The following RBPJ variants were observed in gnomAD, a reference collection of about 807,000 sequenced individuals.
The protein encoded by RBPJ is recombination signal binding protein for immunoglobulin kappa J region, also known as recombining binding protein suppressor of hairless.
In RBPJ, 9 loss-of-function variants were observed where a neutral mutation model predicts 67.8. That is an observed-to-expected ratio of 0.13 (90% CI 0.08 to 0.23). The LOEUF is 0.23. Among genes scored for constraint, RBPJ ranks in the 10% least tolerant of loss-of-function variants. RBPJ has a pLI of 1.00. For missense variants in RBPJ, 305 were observed against 595.6 expected (o/e 0.51, Z 5.08); for synonymous variants, 198 against 203.3 (o/e 0.97, Z 0.22).
chr4:26,395,607 C>T (rs899330908), intron 2 of RBPJ, among the ~76,000 whole-genome samples: 1 of 152,150 alleles, frequency 6.6e-6, no homozygotes, highest in Non-Finnish European at 1.5e-5. Flanking sequence ...CCTCCCTTCC[C>T]TCTCTTCCTT....
At chr4:26,377,968 G>A (rs751087572) in intron 1 of RBPJ, among the ~76,000 whole-genome samples, 2 of 152,160 alleles carry the variant, frequency 1.3e-5, no homozygotes, top group Non-Finnish European at 2.9e-5. Flanking sequence ...ATCACGTGTA[G>A]GGTGTGTGGG....
intron 1 of RBPJ, among the ~76,000 whole-genome samples, chr4:26,297,966 G>A (rs1211978173): frequency 6.6e-6 from 1 of 151,784 alleles, no homozygotes; most frequent in African/African-American, 2.4e-5. Context: ...TTTTTTGGAA[G>A]GGAGGTACTA....
intron 1 of RBPJ, among the ~76,000 whole-genome samples, chr4:26,200,032 G>A (rs1026818680): frequency 1.3e-5 from 2 of 152,116 alleles, no homozygotes; most frequent in South Asian, 4.1e-4. Flanking sequence ...ACGTTTCCAC[G>A]TTGAGTTCTG....
At chr4:26,227,338 G>T (rs1719109882) in intron 1 of RBPJ, among the ~76,000 whole-genome samples, 1 of 152,284 alleles carries the variant, frequency 6.6e-6, no homozygotes, top group Non-Finnish European at 1.5e-5. Context: ...GTGGCAACCC[G>T]GCTAGTTGCC....
upstream of RBPJ, among the ~76,000 whole-genome samples, chr4:26,320,284 C>A (rs3822223): frequency 0.16 from 23,741 of 152,154 alleles, 2,634 homozygotes; most frequent in East Asian, 0.34. Flanking sequence ...TTGCTAGAGG[C>A]CTTGGCTTGA....
intron 1 of RBPJ, among the ~76,000 whole-genome samples, chr4:26,255,403 C>CAAAAAAAAA (rs766336628): frequency 8.7e-5 from 3 of 34,548 alleles, no homozygotes; most frequent in African/African-American, 4.5e-4. Flanking sequence ...GACTCCGTCT[C>CAAAAAAAAA]AAAAAAAAAA....
intron 1 of RBPJ, among the ~76,000 whole-genome samples, chr4:26,277,645 T>C (rs1199921027): frequency 2.0e-5 from 3 of 152,220 alleles, no homozygotes; most frequent in Non-Finnish European, 2.9e-5. Flanking sequence ...CAGGGGCCTA[T>C]TCATTTCCTT....
intron 1 of RBPJ, among the ~76,000 whole-genome samples, chr4:26,358,994 G>A (rs1560291717): frequency 6.6e-6 from 1 of 152,102 alleles, no homozygotes; most frequent in Non-Finnish European, 1.5e-5. Flanking sequence ...CTTGCCTGAA[G>A]TCTCATAGCT....
intron 1 of RBPJ, among the ~76,000 whole-genome samples, chr4:26,353,925 G>GT (rs1380222103): frequency 1.8e-4 from 27 of 150,466 alleles, no homozygotes; most frequent in African/African-American, 3.4e-4. Context: ...GTATTCTTTT[G>GT]TTTTTTTGTT....
intron 1 of RBPJ, among the ~76,000 whole-genome samples, chr4:26,166,179 C>A (rs1327220481): frequency 6.7e-6 from 1 of 148,548 alleles, no homozygotes; most frequent in Non-Finnish European, 1.5e-5. Context: ...AGTAAACATA[C>A]GTGTGCATGT....
intron 1 of RBPJ, among the ~76,000 whole-genome samples, chr4:26,256,212 C>T (rs1720338901): frequency 6.6e-6 from 1 of 151,520 alleles, no homozygotes. Context: ...CCCATCGAAA[C>T]ACACCCTCCT....
chr4:26,399,108 C>T (rs982046862), intron 2 of RBPJ, among the ~76,000 whole-genome samples: 1 of 152,034 alleles, frequency 6.6e-6, no homozygotes, highest in Non-Finnish European at 1.5e-5. Context: ...CTGCCGTAAC[C>T]TTAGTTATTC....
chr4:26,362,566 G>A (rs372248061), intron 1 of RBPJ: 18 of 1,612,094 alleles, frequency 1.1e-5, no homozygotes, highest in Non-Finnish European at 1.5e-5. Context: ...GAGGTGCATC[G>A]AAGTGTTCCA....
chr4:26,123,234 A>G, the RBPJ span, among the ~76,000 whole-genome samples: 2 of 152,224 alleles, frequency 1.3e-5, no homozygotes, highest in Admixed American at 1.3e-4. Context: ...TGTACTTAAT[A>G]CTACAGGCAA....
chr4:26,398,700 GCCTT>G (rs1362034317), intron 2 of RBPJ, among the ~76,000 whole-genome samples: 1 of 152,162 alleles, frequency 6.6e-6, no homozygotes, highest in Non-Finnish European at 1.5e-5. Flanking sequence ...TGCAACTTCT[GCCTT>G]CCACGTTCAA....
chr4:26,376,350 A>G (rs2109577618), intron 1 of RBPJ, among the ~76,000 whole-genome samples: 1 of 152,306 alleles, frequency 6.6e-6, no homozygotes, highest in Middle Eastern at 3.4e-3. Context: ...TGACTACTCT[A>G]GGACCTCATA....
intron 1 of RBPJ, among the ~76,000 whole-genome samples, chr4:26,210,370 C>G (rs1718341886): frequency 6.6e-6 from 1 of 152,170 alleles, no homozygotes; most frequent in Admixed American, 6.5e-5. Flanking sequence ...AGGTTGAAGT[C>G]TATCCACATG....
At chr4:26,281,788 C>G (rs1721281069) in intron 1 of RBPJ, among the ~76,000 whole-genome samples, 1 of 152,184 alleles carries the variant, frequency 6.6e-6, no homozygotes, top group Non-Finnish European at 1.5e-5. Context: ...TTACAATGAG[C>G]TACACGTAAA....
intron 1 of RBPJ, among the ~76,000 whole-genome samples, chr4:26,226,657 G>A (rs1719086417): frequency 6.6e-6 from 1 of 152,112 alleles, no homozygotes; most frequent in Non-Finnish European, 1.5e-5. Flanking sequence ...AGATCCAATA[G>A]GCATGTAACT....
Sources: gnomAD v4.1 joint callset for allele counts (sites outside exome capture counted in the v4.1 genomes callset) on GRCh38, gnomAD v4.1.1 for gene constraint, MANE v1.5 for transcripts, NCBI Gene and HGNC (gene_info 2026-07-23, HGNC 2026-07-21) for gene names.